The following MRPL42 variants were observed in gnomAD, a reference collection of about 807,000 sequenced individuals.
The protein encoded by MRPL42 is large ribosomal subunit protein mL42.
Under a neutral mutation model 17.9 loss-of-function variants are expected in MRPL42, and 17 were observed. The ratio of observed to expected loss-of-function variants is 0.95; its 90% CI spans 0.65 to 1.42. MRPL42 has a LOEUF of 1.42. Among genes scored for constraint, MRPL42 ranks in the 40% most tolerant of loss-of-function variants. MRPL42 has a pLI of 0.00. For missense variants in MRPL42, 177 were observed against 175.2 expected (o/e 1.01, Z -0.06); for synonymous variants, 59 against 54.4 (o/e 1.08, Z -0.37).
intron 4 of MRPL42, among the ~76,000 whole-genome samples, chr12:93,484,621 G>C (rs892711168): frequency 6.6e-6 from 1 of 151,988 alleles, no homozygotes; most frequent in African/African-American, 2.4e-5. Context: ...ATTTCAGGCA[G>C]AATCTTGCCC....
At chr12:93,470,136 T>C (rs1035286001) in intron 2 of MRPL42, among the ~76,000 whole-genome samples, 1 of 152,208 alleles carries the variant, frequency 6.6e-6, no homozygotes. Context: ...TGGATTGTCA[T>C]TGTGTTTTTT....
intron 2 of MRPL42, among the ~76,000 whole-genome samples, chr12:93,474,242 G>A (rs552626720): frequency 1.3e-5 from 2 of 151,592 alleles, no homozygotes; most frequent in Non-Finnish European, 2.9e-5. Flanking sequence ...CATCTAGTTG[G>A]TTTATATTCA....
At position 93,506,818 on chromosome 12, in the gene MRPL42, A is replaced by T. The variant is rs943121471; in HGVS notation, c.*5597A>T. 1 of 152,234 alleles carries T rather than the reference A, an allele frequency of 6.6e-6. No homozygotes were observed. The highest frequency in any genetic ancestry group is 2.4e-5 in the African/African-American group (1 of 41,462). 9.4% of individuals were successfully genotyped at this position (152,234 alleles called of 1,614,324 possible). On this transcript the variant is annotated 3_prime_UTR_variant, in exon 6 of 6. Transcript: ENST00000549982. ...AATTGTCTTGATGAGTAATATATGTAGTCAGTAACATGGTTAAGTGTGGCA... is the reference window on the plus strand; with the variant it reads ...AATTGTCTTGATGAGTAATATATGTTGTCAGTAACATGGTTAAGTGTGGCA...
chr12:93,488,407 C>T, intron 5 of MRPL42: 1 of 397,754 alleles, frequency 2.5e-6, no homozygotes, highest in East Asian at 3.6e-5. Flanking sequence ...TTTAAATTTA[C>T]ATATAATTTA....
chr12:93,490,158 A>G (rs1176697643), intron 5 of MRPL42, among the ~76,000 whole-genome samples: 1 of 152,118 alleles, frequency 6.6e-6, no homozygotes, highest in Non-Finnish European at 1.5e-5. Flanking sequence ...TAACCAAATC[A>G]CTCTAAAGGT....
intron 4 of MRPL42, among the ~76,000 whole-genome samples, chr12:93,485,105 G>C (rs1226917812): frequency 7.0e-6 from 1 of 143,092 alleles, no homozygotes; most frequent in East Asian, 2.1e-4. Flanking sequence ...TTGCCACTTT[G>C]ACCTTCCTAA....
intron 2 of MRPL42, among the ~76,000 whole-genome samples, chr12:93,473,876 T>G (rs1880029145): frequency 6.6e-6 from 1 of 152,168 alleles, no homozygotes; most frequent in African/African-American, 2.4e-5. Context: ...TCCTTATGAA[T>G]TTTTCAAACA....
intron 4 of MRPL42, among the ~76,000 whole-genome samples, chr12:93,485,684 A>C (rs760556143): frequency 6.6e-6 from 1 of 152,196 alleles, no homozygotes; most frequent in Non-Finnish European, 1.5e-5. Context: ...ATTATTGAAT[A>C]TGTTACTTTC....
At chr12:93,477,773 C>T (rs1880253968) in intron 3 of MRPL42, among the ~76,000 whole-genome samples, 1 of 151,722 alleles carries the variant, frequency 6.6e-6, no homozygotes, top group Admixed American at 6.6e-5. Context: ...GGAGATTCTC[C>T]AGCCTCAGCC....
chr12:93,478,315 T>C (rs1045032989), intron 3 of MRPL42, among the ~76,000 whole-genome samples: 1 of 152,018 alleles, frequency 6.6e-6, no homozygotes, highest in Non-Finnish European at 1.5e-5. Flanking sequence ...TGGCGCTATG[T>C]CAGCTCATTG....
At chr12:93,474,228 A>G (rs1279692329) in intron 2 of MRPL42, among the ~76,000 whole-genome samples, 1 of 151,960 alleles carries the variant, frequency 6.6e-6, no homozygotes, top group South Asian at 2.1e-4. Context: ...GTGAAAATGT[A>G]TATCATCTAG....
chr12:93,500,022 G>A (rs1953561309), intron 5 of MRPL42, among the ~76,000 whole-genome samples: 2 of 152,104 alleles, frequency 1.3e-5, no homozygotes, highest in South Asian at 4.1e-4. Context: ...GTGCAGAAAT[G>A]TTTCTTAAAT....
rs1953679815 is a variant in MRPL42 at position 93,507,118 on chromosome 12, T to C, written c.*5897T>C. ...TGCCTTTAGCAATAGATGTGTCCAGTGATGTACTAATGAAGATTTAACAAC... is the reference window on the plus strand; with the variant it reads ...TGCCTTTAGCAATAGATGTGTCCAGCGATGTACTAATGAAGATTTAACAAC... On this transcript the variant is annotated 3_prime_UTR_variant, in exon 6 of 6. Transcript: ENST00000549982. 6.6e-6 allele frequency: 1 copy of C among 152,222 alleles called. No homozygotes were observed. Among genetic ancestry groups the C allele is most frequent in the Admixed American group, 6.5e-5 (1 of 15,278 alleles). 9.4% of individuals were successfully genotyped at this position (152,222 alleles called of 1,614,324 possible). A position where few individuals can be genotyped will look rare whatever the true frequency, so the allele number is the denominator to read the frequency against.
rs954803029 is a variant in MRPL42, at chr12:93,507,072, C to G, written c.*5851C>G. On this transcript the variant is annotated 3_prime_UTR_variant, in exon 6 of 6. Transcript: ENST00000549982. ...AGGACATCTTATATGTATATTTATG[C>G]ATATACATACTGATGAAATGTGCCT... The G allele has an allele frequency of 6.6e-6, 1 of 152,172 alleles. No individual in the cohort carries two copies. The highest frequency in any genetic ancestry group is 1.5e-5 in the Non-Finnish European group (1 of 68,038). 9.4% of individuals were successfully genotyped at this position (152,172 alleles called of 1,614,324 possible).
rs1175758057 is a variant in MRPL42 at position 93,506,678 on chromosome 12, G to C, written c.*5457G>C. The stretch of plus-strand genomic sequence containing the variant: ...GGGTTCAAAGATAGCCCTCATTCCT[G>C]ATTGACAAAGTATCTTGCTATGACC... On this transcript the variant is annotated 3_prime_UTR_variant, in exon 6 of 6. Coordinates refer to ENST00000549982, the MANE Select transcript of MRPL42 (RefSeq NM_014050.4). The C allele has an allele frequency of 1.3e-5, 2 of 152,156 alleles. No individual in the cohort carries two copies. The allele number at this position is 152,156 out of a possible 1,614,324, so 9.4% of individuals were successfully genotyped here. A position where few individuals can be genotyped will look rare whatever the true frequency, so the allele number is the denominator to read the frequency against.
Position 93,479,377 on chromosome 12 carries a change from C to CT in MRPL42, c.135-3dup, listed in dbSNP as rs200682206. The CT allele has an allele frequency of 2.4e-3, 3,769 of 1,544,898 alleles. 75 individuals carry two copies. In the African/African-American group the frequency reaches 0.044, roughly 18 times the overall value. ...AGTATAACTTTATTTCTAAAACATT[C>CT]TTTTTTTTAGCAACGTAGAGCTTGC... On this transcript the variant is annotated splice_polypyrimidine_tract_variant and intron_variant, in intron 3 of 5. Coordinates refer to ENST00000549982, the MANE Select transcript of MRPL42 (RefSeq NM_014050.4).
Position 93,508,642 on chromosome 12 carries a change from TTGTCATG to T in MRPL42, c.*7423_*7429del, listed in dbSNP as rs1953695324. On this transcript the variant is annotated 3_prime_UTR_variant, in exon 6 of 6. Transcript: ENST00000549982. ...TAATCGATTTGTTTATGGGTTTACA[TTGTCATG>T]TCTCCACAGGACAATGCACATGGTA... 1.3e-5 allele frequency: 2 copies of T among 152,136 alleles called. No homozygotes were observed. Among genetic ancestry groups the T allele is most frequent in the African/African-American group, 4.8e-5 (2 of 41,434 alleles). 9.4% of individuals were successfully genotyped at this position (152,136 alleles called of 1,614,324 possible).
At chr12:93,477,552 C>T (rs1183441258) in intron 3 of MRPL42, among the ~76,000 whole-genome samples, 1 of 152,114 alleles carries the variant, frequency 6.6e-6, no homozygotes, top group African/African-American at 2.4e-5. Context: ...GTTTTTATTA[C>T]AAATTATAAT....
intron 5 of MRPL42, among the ~76,000 whole-genome samples, chr12:93,494,952 G>A (rs1953470320): frequency 6.6e-6 from 1 of 152,144 alleles, no homozygotes; most frequent in Admixed American, 6.5e-5. Context: ...AGTGATACAG[G>A]GGTCCCCAGA....
Sources: gnomAD v4.1 joint callset for allele counts (sites outside exome capture counted in the v4.1 genomes callset) on GRCh38, gnomAD v4.1.1 for gene constraint, MANE v1.5 for transcripts, NCBI Gene and HGNC (gene_info 2026-07-23, HGNC 2026-07-21) for gene names.